The following EBF3 variants were observed in gnomAD, a reference collection of about 807,000 sequenced individuals.
EBF3 encodes the protein transcription factor COE3.
In EBF3, 18 loss-of-function variants were observed where a neutral mutation model predicts 77.1. That is an observed-to-expected ratio of 0.23 (90% confidence interval 0.16 to 0.35). The LOEUF (loss-of-function observed/expected upper bound fraction) is 0.35. Among genes scored for constraint, EBF3 ranks in the 10% least tolerant of loss-of-function variants. The pLI is 1.00. For synonymous variants in EBF3, 350 were observed against 343.5 expected, an observed-to-expected ratio of 1.02 and a Z score of -0.21; for missense variants, 558 against 860.0, an observed-to-expected ratio of 0.65 and a Z score of 4.39.
intron 6 of EBF3, among the ~76,000 whole-genome samples, chr10:129,898,677 TTC>T (rs1472932580): frequency 6.6e-6 from 1 of 152,234 alleles, no homozygotes; most frequent in Non-Finnish European, 1.5e-5. Flanking sequence ...AGTTTGATGT[TTC>T]TGTCAGTTTA....
Position 129,843,181 on chromosome 10 carries a change from C to T in EBF3, c.1150G>A (p.Ala384Thr). 2 of 1,613,228 alleles carry T rather than the reference C, an allele frequency of 1.2e-6. No homozygotes were observed. The highest frequency in any genetic ancestry group is 1.7e-6 in the Non-Finnish European group (2 of 1,179,650). The change falls in exon 12 of 17, where the codon GCG (alanine) becomes ACG (threonine). Residue 384 changes from alanine (A) to threonine (T), a missense_variant. By Grantham distance (58) the Ala-to-Thr change is moderately conservative. Coordinates refer to ENST00000440978, the MANE Select transcript of EBF3 (RefSeq NM_001375380.1). Reference protein sequence around the residue: ...LPKEVLLKRAADLVEALYGMP... With the variant: ...LPKEVLLKRATDLVEALYGMP... ...CCGTATAAGGCTTCCACCAGGTCCG[C>T]CGCCCGCTTCAGTAACACCTCCTAA...
At chr10:129,927,364 A>G (rs919512502) in intron 6 of EBF3, among the ~76,000 whole-genome samples, 2 of 152,216 alleles carry the variant, frequency 1.3e-5, no homozygotes, top group Non-Finnish European at 2.9e-5. Context: ...TCCCATAAAT[A>G]CCCTCAGAGA....
intron 11 of EBF3, among the ~76,000 whole-genome samples, chr10:129,847,659 TCATTTTG>T (rs1313983197): frequency 1.3e-5 from 2 of 152,262 alleles, no homozygotes; most frequent in Non-Finnish European, 2.9e-5. Context: ...ACTTCATTTT[TCATTTTG>T]CATTTTCAAC....
chr10:129,904,625 C>T (rs1426160699), intron 6 of EBF3, among the ~76,000 whole-genome samples: 1 of 128,800 alleles, frequency 7.8e-6, no homozygotes, highest in African/African-American at 3.0e-5. Flanking sequence ...GCTGGATGGA[C>T]AAATGGATGG....
intron 10 of EBF3, among the ~76,000 whole-genome samples, chr10:129,860,592 T>C (rs1851552378): frequency 1.3e-5 from 2 of 152,194 alleles, no homozygotes; most frequent in Non-Finnish European, 2.9e-5. Flanking sequence ...TCACAGCCAC[T>C]TGGAAAACGA....
chr10:129,884,838 A>T (rs1296985172), intron 6 of EBF3, among the ~76,000 whole-genome samples: 2 of 152,134 alleles, frequency 1.3e-5, no homozygotes, highest in African/African-American at 4.8e-5. Context: ...TTGTCTGGGG[A>T]TTCTGGCTCT....
chr10:129,936,936 T>A (rs927533030), intron 6 of EBF3, among the ~76,000 whole-genome samples: 2 of 152,120 alleles, frequency 1.3e-5, no homozygotes, highest in African/African-American at 4.8e-5. Flanking sequence ...AACAGAAGCT[T>A]TTGCCTCCTT....
chr10:129,860,313 C>A lies in EBF3; in HGVS notation c.1039+6828G>T, dbSNP rs770190643. On this transcript the variant is annotated intron_variant, in intron 10 of 16. Coordinates refer to ENST00000440978, the MANE Select transcript of EBF3 (RefSeq NM_001375380.1). ...GTGAGGAGCGGGACCAGAGGACCCA[C>A]CTACTCAGGGGGCTTAACAGGAAGA... is the stretch of plus-strand genomic sequence containing the variant. Among the ~76,000 whole-genome samples, 36 of 151,920 alleles carry A rather than the reference C, an allele frequency of 2.4e-4. 1 individual carries two copies. Among genetic ancestry groups the A allele is most frequent in the Admixed American group, 6.6e-5 (1 of 15,252 alleles).
chr10:129,880,285 C>T (rs555205674), intron 6 of EBF3, among the ~76,000 whole-genome samples: 1 of 150,886 alleles, frequency 6.6e-6, no homozygotes, highest in East Asian at 1.9e-4. Flanking sequence ...CACCTATGCA[C>T]ACATACACAC....
rs907853700 is a variant in EBF3, at chr10:129,952,592, C to T, written c.554+4666G>A. Among the ~76,000 whole-genome samples, 8 of 152,142 alleles carry T rather than the reference C, an allele frequency of 5.3e-5. No homozygotes were observed. The highest frequency in any genetic ancestry group is 1.2e-4 in the Non-Finnish European group (8 of 68,028). ...TTCAGCAGAGTTGGATTTAATCACGCTCGTGCAAAGCCATGAGGGAGGAAG... is the reference window on the plus strand; with the variant it reads ...TTCAGCAGAGTTGGATTTAATCACGTTCGTGCAAAGCCATGAGGGAGGAAG... On this transcript the variant is annotated intron_variant, in intron 6 of 16. Coordinates refer to ENST00000440978, the MANE Select transcript of EBF3 (RefSeq NM_001375380.1). This position sits in a 1 kb window ranked among gnomAD's most constrained non-coding sequence, Gnocchi z 4.7.
intron 6 of EBF3, among the ~76,000 whole-genome samples, chr10:129,900,987 C>A (rs887807754): frequency 2.6e-5 from 4 of 152,252 alleles, no homozygotes; most frequent in East Asian, 1.9e-4. Flanking sequence ...TTACCCAACA[C>A]CCATCAGAGC....
At chr10:129,862,540 G>A (rs1851714573) in intron 10 of EBF3, among the ~76,000 whole-genome samples, 1 of 152,132 alleles carries the variant, frequency 6.6e-6, no homozygotes, top group African/African-American at 2.4e-5. Context: ...CCAAGAGTAA[G>A]AACACCCGAC....
At chr10:129,919,381 C>T (rs980228207) in intron 6 of EBF3, among the ~76,000 whole-genome samples, 2 of 152,046 alleles carry the variant, frequency 1.3e-5, no homozygotes, top group Admixed American at 6.5e-5. Flanking sequence ...TGATAACAGC[C>T]ACAGGGAATA....
intron 7 of EBF3, among the ~76,000 whole-genome samples, chr10:129,876,986 G>A (rs949995637): frequency 7.2e-6 from 1 of 139,372 alleles, no homozygotes; most frequent in Non-Finnish European, 1.5e-5. Flanking sequence ...TTTAGGAACA[G>A]ATGCAACTAG....
At chr10:129,919,825 G>A (rs1264749411) in intron 6 of EBF3, among the ~76,000 whole-genome samples, 2 of 152,164 alleles carry the variant, frequency 1.3e-5, no homozygotes, top group African/African-American at 4.8e-5. Context: ...GAGGGCAGGG[G>A]GAGCTCTGTT....
At chr10:129,865,951 G>GATAGTAAGTAT (rs1189594023) in intron 10 of EBF3, among the ~76,000 whole-genome samples, 2 of 152,160 alleles carry the variant, frequency 1.3e-5, no homozygotes, top group Non-Finnish European at 2.9e-5. Flanking sequence ...CCAGGCCACA[G>GATAGTAAGTAT]TCACCCAGCC....
intron 6 of EBF3, among the ~76,000 whole-genome samples, chr10:129,891,935 C>T (rs930062351): frequency 2.0e-5 from 3 of 152,232 alleles, no homozygotes; most frequent in Non-Finnish European, 2.9e-5. Context: ...CGGGAAATTC[C>T]GAGATTCCTG....
intron 7 of EBF3, among the ~76,000 whole-genome samples, chr10:129,875,777 G>A (rs1194503357): frequency 6.6e-6 from 1 of 152,218 alleles, no homozygotes; most frequent in African/African-American, 2.4e-5. Flanking sequence ...GGTGGGAGGT[G>A]GCTTTGCTGC....
At chr10:129,876,315 C>CA (rs1210634130) in intron 7 of EBF3, among the ~76,000 whole-genome samples, 1 of 152,248 alleles carries the variant, frequency 6.6e-6, no homozygotes, top group Non-Finnish European at 1.5e-5. Context: ...ACCACGAGAT[C>CA]ACCTGTAACT....
Sources: allele counts gnomAD v4.1 joint callset (sites outside exome capture counted in the v4.1 genomes callset), GRCh38; gene constraint gnomAD v4.1.1; non-coding constraint Gnocchi (gnomAD v3.1); transcripts MANE v1.5; gene names NCBI Gene and HGNC (gene_info 2026-07-23, HGNC 2026-07-21).